FGF12: variants seen among roughly 807,000 people sequenced by gnomAD.
FGF12 encodes the protein fibroblast growth factor 12.
Under a neutral mutation model 23.6 loss-of-function variants are expected in FGF12, and 14 were observed. The ratio of observed to expected loss-of-function variants is 0.59; its 90% CI spans 0.39 to 0.93. The LOEUF (loss-of-function observed/expected upper bound fraction) is 0.93. FGF12 is among the 40% of genes least tolerant of loss of function. FGF12 has a pLI of 0.00. For missense variants in FGF12, 175 were observed against 217.8 expected, an observed-to-expected ratio of 0.80 and a Z score of 1.24; for synonymous variants, 62 against 77.3, an observed-to-expected ratio of 0.80 and a Z score of 1.04.
At chr3:192,536,654 AT>A (rs1162488137) in intron 2 of FGF12, among the ~76,000 whole-genome samples, 1 of 151,972 alleles carries the variant, frequency 6.6e-6, no homozygotes, top group East Asian at 1.9e-4. Flanking sequence ...TGATATTTTG[AT>A]TTTTTTAACT....
At chr3:192,500,945 G>A (rs1008118054) in intron 2 of FGF12, among the ~76,000 whole-genome samples, 2 of 152,158 alleles carry the variant, frequency 1.3e-5, no homozygotes, top group African/African-American at 2.4e-5. Flanking sequence ...CCCAGGCAAC[G>A]TGGCTCCATA....
At chr3:192,714,579 C>G (rs565571834) in intron 2 of FGF12, among the ~76,000 whole-genome samples, 3 of 135,002 alleles carry the variant, frequency 2.2e-5, no homozygotes, top group Non-Finnish European at 3.0e-5. Context: ...AGTGCAGCGG[C>G]GCAATCTCGG....
At chr3:192,273,765 AATAG>A (rs1295303060) in intron 4 of FGF12, among the ~76,000 whole-genome samples, 1 of 152,210 alleles carries the variant, frequency 6.6e-6, no homozygotes, top group Non-Finnish European at 1.5e-5. Flanking sequence ...TTGCAAAAAT[AATAG>A]ATAGGAGGAT....
At chr3:192,574,734 T>G (rs564574720) in intron 2 of FGF12, among the ~76,000 whole-genome samples, 1 of 152,244 alleles carries the variant, frequency 6.6e-6, no homozygotes, top group East Asian at 1.9e-4. Flanking sequence ...TACTGTGTAC[T>G]AGGTACAATA....
intron 2 of FGF12, among the ~76,000 whole-genome samples, chr3:192,397,287 G>A (rs1402845306): frequency 6.6e-6 from 1 of 152,188 alleles, no homozygotes; most frequent in Non-Finnish European, 1.5e-5. Context: ...GGATTGTCAG[G>A]GAAAGACAGG....
At chr3:192,508,285 A>T (rs1724372070) in intron 2 of FGF12, among the ~76,000 whole-genome samples, 1 of 152,254 alleles carries the variant, frequency 6.6e-6, no homozygotes, top group African/African-American at 2.4e-5. Flanking sequence ...TTGTCACCCT[A>T]TGAAATGCAA....
intron 4 of FGF12, among the ~76,000 whole-genome samples, chr3:192,258,520 T>C (rs780853771): frequency 3.3e-5 from 5 of 152,278 alleles, no homozygotes; most frequent in Non-Finnish European, 7.4e-5. Context: ...AGTTTGTTTA[T>C]AATAAAAACG....
chr3:192,561,922 AG>A (rs1156466889), intron 2 of FGF12, among the ~76,000 whole-genome samples: 1 of 144,386 alleles, frequency 6.9e-6, no homozygotes, highest in Admixed American at 6.8e-5. Context: ...AAAAAAAGAA[AG>A]AAAAAAAAAA....
chr3:192,668,507 T>C (rs1716982445), intron 2 of FGF12, among the ~76,000 whole-genome samples: 1 of 152,208 alleles, frequency 6.6e-6, no homozygotes, highest in African/African-American at 2.4e-5. Flanking sequence ...CTCCTAGGTC[T>C]GTGGCCAGAA....
At chr3:192,338,307 A>G (rs2108704527) in intron 3 of FGF12, among the ~76,000 whole-genome samples, 1 of 151,728 alleles carries the variant, frequency 6.6e-6, no homozygotes, top group East Asian at 1.9e-4. Flanking sequence ...CTGGTCTCGA[A>G]CTCCTGACCT....
At chr3:192,418,484 C>A (rs1324811152) in intron 2 of FGF12, among the ~76,000 whole-genome samples, 1 of 152,024 alleles carries the variant, frequency 6.6e-6, no homozygotes, top group Non-Finnish European at 1.5e-5. Context: ...ACTCTGCGTT[C>A]CAATTATAGG....
rs1720237352 is a variant in FGF12, at chr3:192,390,323, AAG to A, written c.14-29787_14-29786del. Among the ~76,000 whole-genome samples the A allele has an allele frequency of 2.0e-5, 3 of 152,194 alleles. No individual in the cohort carries two copies. In the South Asian group the frequency reaches 6.2e-4, roughly 31 times the overall value. Reference sequence around the variant, plus strand: ...GAGTGTGGGGGCTGTGGATACAGCTAAGAGAGAGGATGGAGAGATTGAAAGAG... The same window carrying A: ...GAGTGTGGGGGCTGTGGATACAGCTAAGAGAGGATGGAGAGATTGAAAGAG... On this transcript the variant is annotated intron_variant, in intron 2 of 5. Coordinates refer to ENST00000445105, the MANE Select transcript of FGF12 (RefSeq NM_004113.6).
chr3:192,664,633 G>T (rs2036585), intron 2 of FGF12, among the ~76,000 whole-genome samples: 65,339 of 138,758 alleles, frequency 0.47, 15,940 homozygotes, highest in Non-Finnish European at 0.51. Flanking sequence ...GGGCATGGTG[G>T]CATGCACCTG....
At chr3:192,334,652 C>T (rs1717299754) in intron 4 of FGF12, among the ~76,000 whole-genome samples, 1 of 151,768 alleles carries the variant, frequency 6.6e-6, no homozygotes, top group Non-Finnish European at 1.5e-5. Flanking sequence ...GATAATGTAG[C>T]CACTGATGGC....
At chr3:192,396,383 C>T (rs1460240415) in intron 2 of FGF12, among the ~76,000 whole-genome samples, 1 of 152,180 alleles carries the variant, frequency 6.6e-6, no homozygotes, top group Non-Finnish European at 1.5e-5. Context: ...AACGCATCTA[C>T]CCAACATTTA....
chr3:192,480,399 A>T (rs571924228), intron 2 of FGF12, among the ~76,000 whole-genome samples: 1 of 152,320 alleles, frequency 6.6e-6, no homozygotes, highest in Non-Finnish European at 1.5e-5. Context: ...TTTGAATATC[A>T]GTACGAGAGC....
intron 4 of FGF12, among the ~76,000 whole-genome samples, chr3:192,263,511 T>C (rs1712887579): frequency 1.3e-5 from 2 of 149,644 alleles, no homozygotes; most frequent in Admixed American, 6.7e-5. Flanking sequence ...CTCGTTAAAA[T>C]CATCTGGTGT....
chr3:192,205,240 T>C (rs753981714), intron 4 of FGF12, among the ~76,000 whole-genome samples: 2 of 152,230 alleles, frequency 1.3e-5, no homozygotes, highest in Non-Finnish European at 2.9e-5. Flanking sequence ...GATTAAAATA[T>C]TCAACCTTAT....
At chr3:192,503,764 C>G (rs1724206984) in intron 2 of FGF12, among the ~76,000 whole-genome samples, 1 of 151,820 alleles carries the variant, frequency 6.6e-6, no homozygotes, top group Non-Finnish European at 1.5e-5. Context: ...CGCCACCACG[C>G]CCGGCTAAAT....
Sources: allele counts gnomAD v4.1 joint callset (sites outside exome capture counted in the v4.1 genomes callset), GRCh38; gene constraint gnomAD v4.1.1; transcripts MANE v1.5; gene names NCBI Gene and HGNC (gene_info 2026-07-23, HGNC 2026-07-21).